CACNA2D3: variants seen among roughly 807,000 people sequenced by gnomAD.
The protein encoded by CACNA2D3 is calcium voltage-gated channel auxiliary subunit alpha2delta 3, also known as voltage-dependent calcium channel subunit alpha-2/delta-3.
Under a neutral mutation model 160.6 loss-of-function variants are expected in CACNA2D3, and 60 were observed. That is an observed-to-expected ratio of 0.37 (90% CI 0.30 to 0.46). CACNA2D3 has a LOEUF of 0.46. CACNA2D3 is among the 20% of genes least tolerant of loss of function. The probability of loss-of-function intolerance (pLI) is 1.00; values close to 1 mark genes in which losing one functional copy is unlikely to be tolerated. For synonymous variants in CACNA2D3, 558 were observed against 492.9 expected (o/e 1.13, Z -1.75); for missense variants, 1,205 against 1,365.0 (o/e 0.88, Z 1.85).
At chr3:54,362,306 G>C (rs1303205896) in intron 3 of CACNA2D3, among the ~76,000 whole-genome samples, 1 of 152,178 alleles carries the variant, frequency 6.6e-6, no homozygotes, top group African/African-American at 2.4e-5. Context: ...GAGGTCATAG[G>C]ACTGGGGTCC....
At chr3:54,660,146 T>C (rs193111529) in intron 11 of CACNA2D3, among the ~76,000 whole-genome samples, 2 of 151,666 alleles carry the variant, frequency 1.3e-5, no homozygotes, top group Non-Finnish European at 2.9e-5. Context: ...TTGGTTTCTT[T>C]TTTTTTTTTT....
chr3:54,821,119 A>G (rs1480381921), intron 14 of CACNA2D3, among the ~76,000 whole-genome samples: 1 of 152,208 alleles, frequency 6.6e-6, no homozygotes, highest in African/African-American at 2.4e-5. Context: ...TGGAATTTGC[A>G]AAAGAACATT....
chr3:54,378,606 C>A (rs1356774588), intron 3 of CACNA2D3, among the ~76,000 whole-genome samples: 1 of 152,198 alleles, frequency 6.6e-6, no homozygotes, highest in Non-Finnish European at 1.5e-5. Context: ...ACTGAAGGGT[C>A]CTGCGGGGAC....
chr3:55,055,050 C>G (rs567975923), intron 35 of CACNA2D3, among the ~76,000 whole-genome samples: 2 of 151,936 alleles, frequency 1.3e-5, no homozygotes, highest in Non-Finnish European at 2.9e-5. Context: ...TGAATTTTAA[C>G]TTTTAGAGTT....
intron 11 of CACNA2D3, among the ~76,000 whole-genome samples, chr3:54,657,580 A>G (rs1699897009): frequency 6.6e-6 from 1 of 152,176 alleles, no homozygotes; most frequent in South Asian, 2.1e-4. Context: ...ATCTACTTGT[A>G]TACCTCTGAC....
chr3:54,693,996 T>G (rs1700614955), intron 11 of CACNA2D3, among the ~76,000 whole-genome samples: 1 of 152,154 alleles, frequency 6.6e-6, no homozygotes, highest in Admixed American at 6.5e-5. Flanking sequence ...AAAAATAAAT[T>G]TAGTGTAGCC....
chr3:54,256,765 A>T lies in CACNA2D3; in HGVS notation c.205-63677A>T, dbSNP rs887997413. On this transcript the variant is annotated intron_variant, in intron 2 of 37. Transcript: ENST00000474759. ...GGAGTGAGACTCCGTCTCAAAAAAA[A>T]AAAAAAAAAAACCACTGTAAGAGCA... 2.3e-4 allele frequency among the ~76,000 whole-genome samples: 35 copies of T among 152,202 alleles called. 1 individual carries two copies. The South Asian group carries it at 7.3e-3, about 32-fold the overall frequency.
Position 55,004,829 on chromosome 3 carries a change from C to T in CACNA2D3, c.2757C>T (p.Gly919=). 6.2e-7 allele frequency: 1 copy of T among 1,612,226 alleles called. No individual in the cohort carries two copies. The highest frequency in any genetic ancestry group is 8.5e-7 in the Non-Finnish European group (1 of 1,178,336). The change falls in exon 32 of 38, where the codon GGC becomes GGT. Residue 919 remains glycine (G), a synonymous_variant. Transcript: ENST00000474759. ...AGGAAAGCAGCGATGGCGCCCATGG[C>T]CTCCTGGATGTAAGTACTATGCTGT... The part of the protein sequence containing the change: ...ANKESSDGAH[G]LLDPYNAFLS...
At chr3:54,501,797 A>G (rs1273589645) in intron 4 of CACNA2D3, among the ~76,000 whole-genome samples, 1 of 152,150 alleles carries the variant, frequency 6.6e-6, no homozygotes, top group Admixed American at 6.5e-5. Flanking sequence ...ACTTTTAACA[A>G]TTCTTGCAAG....
intron 11 of CACNA2D3, among the ~76,000 whole-genome samples, chr3:54,675,270 T>G (rs537248985): frequency 6.6e-6 from 1 of 151,980 alleles, no homozygotes; most frequent in Non-Finnish European, 1.5e-5. Flanking sequence ...AGATGGAGCA[T>G]GAAGGTGAAG....
chr3:54,253,772 C>A (rs1702240734), intron 2 of CACNA2D3, among the ~76,000 whole-genome samples: 1 of 125,142 alleles, frequency 8.0e-6, no homozygotes, highest in Non-Finnish European at 1.8e-5. Context: ...TATGTGATTC[C>A]CTGTTTTTTT....
At chr3:54,638,574 A>G (rs1207201562) in intron 10 of CACNA2D3, 1 of 151,858 alleles carries the variant, frequency 6.6e-6, no homozygotes, top group Non-Finnish European at 1.5e-5. Flanking sequence ...GTCTGTAGAA[A>G]AGGAAGATTA....
At chr3:54,464,421 C>G (rs1261543899) in intron 4 of CACNA2D3, among the ~76,000 whole-genome samples, 1 of 152,226 alleles carries the variant, frequency 6.6e-6, no homozygotes, top group Non-Finnish European at 1.5e-5. Flanking sequence ...CTGTGGTGGG[C>G]TCCACCCAGT....
chr3:54,862,414 C>T (rs1461826348), intron 17 of CACNA2D3, among the ~76,000 whole-genome samples: 3 of 152,236 alleles, frequency 2.0e-5, no homozygotes, highest in East Asian at 1.9e-4. Flanking sequence ...CGCACACACA[C>T]GCACACGTGA....
At chr3:54,819,646 A>C (rs2106719113) in intron 14 of CACNA2D3, among the ~76,000 whole-genome samples, 1 of 152,294 alleles carries the variant, frequency 6.6e-6, no homozygotes, top group South Asian at 2.1e-4. Context: ...GGAGATCGAG[A>C]CCATCCTGGC....
intron 8 of CACNA2D3, among the ~76,000 whole-genome samples, chr3:54,581,045 G>A (rs147082800): frequency 3.8e-4 from 58 of 152,266 alleles, no homozygotes; most frequent in Non-Finnish European, 7.9e-4. Flanking sequence ...ACAAAGTCCC[G>A]GGAACATTCA....
At position 54,665,049 on chromosome 3, in the gene CACNA2D3, A is replaced by G. The variant is rs140508949; in HGVS notation, c.1167+22808A>G. Among the ~76,000 whole-genome samples, 55 of 152,326 alleles carry G rather than the reference A, an allele frequency of 3.6e-4. No individual in the cohort carries two copies. In the East Asian group the frequency reaches 8.1e-3, roughly 22 times the overall value. ...CCTGCAGCTGTGTTTCTGTAGGACA[A>G]TGGGGACATCTAATAATATATCGGG... is the stretch of plus-strand genomic sequence containing the variant. On this transcript the variant is annotated intron_variant, in intron 11 of 37. Transcript: ENST00000474759.
chr3:54,343,188 G>A (rs373731470), intron 3 of CACNA2D3, among the ~76,000 whole-genome samples: 16 of 151,738 alleles, frequency 1.1e-4, no homozygotes, highest in African/African-American at 3.4e-4. Context: ...TGTGTTTAAA[G>A]CCCCCCCCTC....
chr3:54,555,326 G>C (rs897441071), intron 5 of CACNA2D3, among the ~76,000 whole-genome samples: 4 of 152,124 alleles, frequency 2.6e-5, no homozygotes. Flanking sequence ...CACTGCTCAG[G>C]ATGGAACATG....
Sources: allele counts gnomAD v4.1 joint callset (sites outside exome capture counted in the v4.1 genomes callset), GRCh38; gene constraint gnomAD v4.1.1; transcripts MANE v1.5; gene names NCBI Gene and HGNC (gene_info 2026-07-23, HGNC 2026-07-21).